HCN1: variants seen among roughly 807,000 people sequenced by gnomAD.
HCN1 encodes potassium/sodium hyperpolarization-activated cyclic nucleotide-gated channel 1.
In HCN1, 13 loss-of-function variants were observed where a neutral mutation model predicts 78.9. The ratio of observed to expected loss-of-function variants is 0.16; its 90% confidence interval spans 0.11 to 0.26. The LOEUF is 0.26. HCN1 is among the 10% of genes least tolerant of loss of function. The pLI, the probability that HCN1 is intolerant of heterozygous loss-of-function variation, is 1.00. For synonymous variants in HCN1, 552 were observed against 455.5 expected (o/e 1.21, Z -2.70); for missense variants, 810 against 1,154.3 (o/e 0.70, Z 4.32).
intron 6 of HCN1, among the ~76,000 whole-genome samples, chr5:45,299,117 A>G (rs1226083870): frequency 6.6e-6 from 1 of 152,040 alleles, no homozygotes; most frequent in Non-Finnish European, 1.5e-5. Context: ...GATTAAAAGT[A>G]GCCAAAGAAG....
At chr5:45,427,287 A>C (rs1740371769) in intron 3 of HCN1, among the ~76,000 whole-genome samples, 1 of 151,446 alleles carries the variant, frequency 6.6e-6, no homozygotes, top group African/African-American at 2.4e-5. Flanking sequence ...GCAAAACAGA[A>C]AAAAAAAATA....
chr5:45,347,676 T>C (rs927684840), intron 5 of HCN1, among the ~76,000 whole-genome samples: 1 of 152,098 alleles, frequency 6.6e-6, no homozygotes, highest in African/African-American at 2.4e-5. Context: ...TTAAAGGAGC[T>C]GATGGAGCTG....
intron 2 of HCN1, among the ~76,000 whole-genome samples, chr5:45,500,124 A>G (rs1163522913): frequency 6.6e-6 from 1 of 152,164 alleles, no homozygotes; most frequent in Non-Finnish European, 1.5e-5. Flanking sequence ...TCCAGGGACA[A>G]CAATATAGAT....
chr5:45,309,689 C>A (rs925035639), intron 5 of HCN1, among the ~76,000 whole-genome samples: 1 of 152,114 alleles, frequency 6.6e-6, no homozygotes, highest in African/African-American at 2.4e-5. Context: ...GTATGTTGAA[C>A]CGACCTTACA....
Position 45,461,844 on chromosome 5 carries a change from AC to A in HCN1, c.1011+1del, listed in dbSNP as rs1268121917. On this transcript the variant is annotated splice_donor_variant, in intron 3 of 7. Transcript: ENST00000303230. LOFTEE classifies it high-confidence loss of function. The stretch of plus-strand genomic sequence containing the variant: ...GAGTGTAAAATAACAGAATTTACTT[AC>A]AACCATTTCATTTAAAGACACCCAG... 1 of 1,612,466 alleles carries A rather than the reference AC, an allele frequency of 6.2e-7. No homozygotes were observed. Among genetic ancestry groups the A allele is most frequent in the Non-Finnish European group, 8.5e-7 (1 of 1,178,764 alleles).
chr5:45,302,772 G>A (rs1441211891), intron 6 of HCN1, among the ~76,000 whole-genome samples: 2 of 151,896 alleles, frequency 1.3e-5, no homozygotes, highest in Non-Finnish European at 2.9e-5. Flanking sequence ...CATGGGGGCT[G>A]GTCTTTCCCA....
At chr5:45,537,463 C>T (rs1247148804) in intron 2 of HCN1, among the ~76,000 whole-genome samples, 14 of 143,594 alleles carry the variant, frequency 9.7e-5, no homozygotes, top group Non-Finnish European at 1.7e-4. Flanking sequence ...TATTGATTCT[C>T]CTGCAAAAAG....
chr5:45,478,421 G>C (rs1579919548), intron 2 of HCN1, among the ~76,000 whole-genome samples: 1 of 152,314 alleles, frequency 6.6e-6, no homozygotes, highest in South Asian at 2.1e-4. Context: ...TGTCAAAGCT[G>C]AGCAATGTCA....
At chr5:45,494,771 T>C (rs1426687153) in intron 2 of HCN1, among the ~76,000 whole-genome samples, 1 of 152,224 alleles carries the variant, frequency 6.6e-6, no homozygotes, top group Non-Finnish European at 1.5e-5. Flanking sequence ...TGAATTAATT[T>C]TTGTCTAAGG....
intron 1 of HCN1, among the ~76,000 whole-genome samples, chr5:45,681,204 C>T (rs1739695632): frequency 6.6e-6 from 1 of 152,118 alleles, no homozygotes; most frequent in South Asian, 2.1e-4. Context: ...TGCTTCCTTC[C>T]TCCAACACAT....
intron 5 of HCN1, among the ~76,000 whole-genome samples, chr5:45,346,370 A>T (rs1404856480): frequency 6.6e-6 from 1 of 152,072 alleles, no homozygotes; most frequent in African/African-American, 2.4e-5. Context: ...AGAAATATGA[A>T]TAATGGTTGG....
chr5:45,457,212 T>C lies in HCN1; in HGVS notation c.1011+4634A>G, dbSNP rs376799067. On this transcript the variant is annotated intron_variant, in intron 3 of 7. Coordinates refer to ENST00000303230, the MANE Select transcript of HCN1 (RefSeq NM_021072.4). ...GTCATTCCCTAGGTTACATCCGATA[T>C]TTGAGATTCAGTTCAAAATTAATAC... 4.6e-5 allele frequency among the ~76,000 whole-genome samples: 7 copies of C among 152,224 alleles called. No individual in the cohort carries two copies. In the East Asian group the frequency reaches 1.4e-3, roughly 29 times the overall value.
chr5:45,657,097 C>T (rs923092572), intron 1 of HCN1, among the ~76,000 whole-genome samples: 21 of 151,954 alleles, frequency 1.4e-4, no homozygotes, highest in Admixed American at 5.9e-4. Context: ...TAACAAATAT[C>T]GAGGGTGTGT....
rs1039506853 is a variant in HCN1 at position 45,255,591 on chromosome 5, G to A, written c.*6330C>T. 7 of 152,184 alleles carry A rather than the reference G, an allele frequency of 4.6e-5. No individual in the cohort carries two copies. The highest frequency in any genetic ancestry group is 6.5e-5 in the Admixed American group (1 of 15,274). 9.4% of individuals were successfully genotyped at this position (152,184 alleles called of 1,614,324 possible). ...CACATTTTAAACAGAATTGTAATAT[G>A]TTAGGTTGGTAATAGATGTTAGAAG... On this transcript the variant is annotated 3_prime_UTR_variant, in exon 8 of 8. Coordinates refer to ENST00000303230, the MANE Select transcript of HCN1 (RefSeq NM_021072.4).
intron 2 of HCN1, among the ~76,000 whole-genome samples, chr5:45,609,831 C>A (rs1744799594): frequency 6.6e-6 from 1 of 152,112 alleles, no homozygotes; most frequent in Non-Finnish European, 1.5e-5. Flanking sequence ...CCAACTAACC[C>A]TGCCTGAGGG....
chr5:45,372,452 T>C (rs1318487962), intron 4 of HCN1, among the ~76,000 whole-genome samples: 59 of 124,064 alleles, frequency 4.8e-4, no homozygotes, highest in Non-Finnish European at 8.8e-4. Context: ...TATAAAAATA[T>C]ATAAAACATT....
chr5:45,449,664 T>C (rs1740874673), intron 3 of HCN1, among the ~76,000 whole-genome samples: 1 of 151,994 alleles, frequency 6.6e-6, no homozygotes, highest in Non-Finnish European at 1.5e-5. Flanking sequence ...TAGATTTCCA[T>C]GTAGTGTGTA....
At chr5:45,321,569 CT>C (rs1401108695) in intron 5 of HCN1, among the ~76,000 whole-genome samples, 5 of 151,816 alleles carry the variant, frequency 3.3e-5, no homozygotes. Flanking sequence ...AAAAGAGTCA[CT>C]TTTAGCATTT....
chr5:45,350,008 T>C (rs1013208298), intron 5 of HCN1, among the ~76,000 whole-genome samples: 4 of 152,172 alleles, frequency 2.6e-5, no homozygotes, highest in African/African-American at 4.8e-5. Context: ...GAGGGAATCC[T>C]CCCTAATTCA....
Sources: gnomAD v4.1 joint callset for allele counts (sites outside exome capture counted in the v4.1 genomes callset) on GRCh38, gnomAD v4.1.1 for gene constraint, MANE v1.5 for transcripts, NCBI Gene and HGNC (gene_info 2026-07-23, HGNC 2026-07-21) for gene names.